PCDH15: variants seen among roughly 807,000 people sequenced by gnomAD.
PCDH15 encodes protocadherin-15.
PCDH15 carries 129 observed loss-of-function variants against 178.5 expected under a neutral mutation model. That is an observed-to-expected ratio of 0.72 (90% CI 0.63 to 0.84). PCDH15 has a LOEUF of 0.84. Ranked by LOEUF, PCDH15 falls within the 40% of genes least tolerant of loss-of-function variation. The pLI, the probability that PCDH15 is intolerant of heterozygous loss-of-function variation, is 0.00. For synonymous variants in PCDH15, 800 were observed against 732.0 expected (o/e 1.09, Z -1.50); for missense variants, 2,230 against 2,099.9 (o/e 1.06, Z -1.21).
chr10:55,247,140 T>C (rs1009144219), intron 1 of PCDH15, among the ~76,000 whole-genome samples: 1 of 152,140 alleles, frequency 6.6e-6, no homozygotes, highest in Non-Finnish European at 1.5e-5. Context: ...TATCTTAGAG[T>C]TTGTTCATGT....
chr10:55,234,663 G>A (rs1290748105), intron 1 of PCDH15, among the ~76,000 whole-genome samples: 4 of 151,982 alleles, frequency 2.6e-5, no homozygotes, highest in Non-Finnish European at 4.4e-5. Context: ...TTACAGATGT[G>A]AGCCACCATG....
intron 3 of PCDH15, among the ~76,000 whole-genome samples, chr10:54,391,267 T>C (rs1199276297): frequency 6.6e-6 from 1 of 152,212 alleles, no homozygotes; most frequent in Non-Finnish European, 1.5e-5. Context: ...GTAATTGTGA[T>C]GCCACACCTG....
intron 9 of PCDH15, among the ~76,000 whole-genome samples, chr10:54,223,270 G>A (rs1482000094): frequency 1.1e-4 from 14 of 130,392 alleles, no homozygotes; most frequent in East Asian, 2.1e-4. Context: ...AGATTGTGCC[G>A]TTGCACTCCA....
At chr10:54,719,822 C>A (rs1400307102) in intron 1 of PCDH15, among the ~76,000 whole-genome samples, 1 of 151,938 alleles carries the variant, frequency 6.6e-6, no homozygotes, top group Admixed American at 6.6e-5. Context: ...ATGATGGCTT[C>A]CAGCATCATC....
chr10:53,913,488 C>T (rs1176263750), intron 25 of PCDH15, among the ~76,000 whole-genome samples: 1 of 151,702 alleles, frequency 6.6e-6, no homozygotes, highest in Non-Finnish European at 1.5e-5. Context: ...AATCCCAGCA[C>T]TTTGGGAGGC....
intron 2 of PCDH15, among the ~76,000 whole-genome samples, chr10:54,558,784 AT>A (rs1256519861): frequency 6.6e-6 from 1 of 152,014 alleles, no homozygotes; most frequent in Non-Finnish European, 1.5e-5. Flanking sequence ...TATATATTTT[AT>A]TTTATTCACC....
chr10:54,848,724 T>C (rs1209791555), intron 3 of PCDH15, among the ~76,000 whole-genome samples: 1 of 152,236 alleles, frequency 6.6e-6, no homozygotes, highest in Non-Finnish European at 1.5e-5. Context: ...AAAATATTTT[T>C]AGTGCTTTTC....
chr10:55,098,934 G>GAGAGAGAGAGAGAGAGAGAT, intron 2 of PCDH15, among the ~76,000 whole-genome samples: 2 of 133,952 alleles, frequency 1.5e-5, no homozygotes, highest in Non-Finnish European at 1.6e-5. Flanking sequence ...GAGAGAGAGA[G>GAGAGAGAGAGAGAGAGAGAT]CTCTTATCCT....
intron 3 of PCDH15, among the ~76,000 whole-genome samples, chr10:54,847,648 G>A (rs976332612): frequency 6.6e-6 from 1 of 152,030 alleles, no homozygotes. Flanking sequence ...GTGATAACTA[G>A]CATACTGAAA....
chr10:55,311,986 T>C (rs2132289604), intron 1 of PCDH15, among the ~76,000 whole-genome samples: 1 of 152,362 alleles, frequency 6.6e-6, no homozygotes, highest in Non-Finnish European at 1.5e-5. Flanking sequence ...AAACAGCTTC[T>C]GATTTTTACA....
chr10:55,227,536 T>C (rs1841086246), intron 1 of PCDH15, among the ~76,000 whole-genome samples: 1 of 152,114 alleles, frequency 6.6e-6, no homozygotes, highest in African/African-American at 2.4e-5. Flanking sequence ...AGCAGAAGGA[T>C]GCAAGGTGCC....
intron 2 of PCDH15, chr10:54,655,930 TTCTTGTCATC>T (rs1303821680): frequency 6.6e-6 from 1 of 152,188 alleles, no homozygotes; most frequent in East Asian, 1.9e-4. Context: ...ACAATGGTAT[TTCTTGTCATC>T]CCTTTCTAAA....
At chr10:54,331,207 C>G (rs1296378072) in intron 6 of PCDH15, among the ~76,000 whole-genome samples, 1 of 151,568 alleles carries the variant, frequency 6.6e-6, no homozygotes, top group African/African-American at 2.4e-5. Context: ...CAGGCTCAAT[C>G]AATGAAATGT....
chr10:54,395,885 CTG>C (rs1375491012), intron 3 of PCDH15, among the ~76,000 whole-genome samples: 2 of 151,974 alleles, frequency 1.3e-5, no homozygotes, highest in Middle Eastern at 3.2e-3. Flanking sequence ...TAATATGAAA[CTG>C]TGCATGGGAG....
chr10:54,903,950 G>A (rs1343202813), intron 2 of PCDH15, among the ~76,000 whole-genome samples: 1 of 152,030 alleles, frequency 6.6e-6, no homozygotes, highest in Non-Finnish European at 1.5e-5. Flanking sequence ...TTTATTCTGA[G>A]TGCACTCTAG....
chr10:54,499,157 T>C (rs1350793007), intron 3 of PCDH15, among the ~76,000 whole-genome samples: 1 of 152,048 alleles, frequency 6.6e-6, no homozygotes, highest in Non-Finnish European at 1.5e-5. Context: ...CAATGGAGCA[T>C]CTAGATTAAT....
chr10:54,436,962 C>G (rs1193803472), intron 3 of PCDH15, among the ~76,000 whole-genome samples: 1 of 152,098 alleles, frequency 6.6e-6, no homozygotes, highest in African/African-American at 2.4e-5. Context: ...CCATAGAGAA[C>G]CGTTATTAAA....
intron 2 of PCDH15, among the ~76,000 whole-genome samples, chr10:55,149,510 G>A (rs1031579344): frequency 5.3e-5 from 8 of 151,850 alleles, no homozygotes; most frequent in African/African-American, 1.7e-4. Context: ...TTACATGGGG[G>A]GAAACTTATT....
chr10:55,573,903 A>C, intron 2 of PCDH15, among the ~76,000 whole-genome samples: 2 of 151,996 alleles, frequency 1.3e-5, no homozygotes, highest in South Asian at 4.1e-4. Context: ...TCTTTTAAAT[A>C]TATTAATATA....
Sources: gnomAD v4.1 joint callset for allele counts (sites outside exome capture counted in the v4.1 genomes callset) on GRCh38, gnomAD v4.1.1 for gene constraint, MANE v1.5 for transcripts, NCBI Gene and HGNC (gene_info 2026-07-23, HGNC 2026-07-21) for gene names.